The following MYNN variants were observed in gnomAD, a reference collection of about 807,000 sequenced individuals.
MYNN encodes the protein zinc finger and BTB domain-containing protein 31.
In MYNN, 22 loss-of-function variants were observed where a neutral mutation model predicts 57.2. The observed-to-expected ratio is 0.38, with a 90% CI of 0.27 to 0.55. The LOEUF is 0.55. Ranked by LOEUF, MYNN falls within the 20% of genes least tolerant of loss-of-function variation. The pLI is 0.71. For missense variants in MYNN, 566 were observed against 723.1 expected, an observed-to-expected ratio of 0.78 and a Z score of 2.49; for synonymous variants, 241 against 257.1, an observed-to-expected ratio of 0.94 and a Z score of 0.60.
At chr3:169,775,840 T>C (rs1006491285) in intron 2 of MYNN, among the ~76,000 whole-genome samples, 3 of 152,232 alleles carry the variant, frequency 2.0e-5, no homozygotes, top group African/African-American at 7.2e-5. Context: ...CCTTTTATAT[T>C]GTAACTTATC....
chr3:169,773,712 G>A (rs1305364780), intron 1 of MYNN, among the ~76,000 whole-genome samples: 1 of 152,226 alleles, frequency 6.6e-6, no homozygotes, highest in Admixed American at 6.5e-5. Flanking sequence ...GCCGCCTCGC[G>A]TAGAGAGTGG....
rs147152426 is a variant in MYNN, at chr3:169,784,247, G to C, written c.1484-375G>C. On this transcript the variant is annotated intron_variant, in intron 6 of 7. Transcript: ENST00000349841. Reference sequence around the variant, plus strand: ...ATTTTCTAATTTGCCAGGTACCTGAGAGCAGAAACCATGATTATTACACTT... The same window carrying C: ...ATTTTCTAATTTGCCAGGTACCTGACAGCAGAAACCATGATTATTACACTT... 9.9e-5 allele frequency among the ~76,000 whole-genome samples: 15 copies of C among 152,122 alleles called. No individual in the cohort carries two copies. In the Middle Eastern group the frequency reaches 0.01, roughly 103 times the overall value.
At position 169,788,858 on chromosome 3, in the gene MYNN, T is replaced by C. The variant is rs1778745285; in HGVS notation, c.*2180T>C. The C allele has an allele frequency of 6.6e-6, 1 of 152,194 alleles. No homozygotes were observed. The highest frequency in any genetic ancestry group is 2.4e-5 in the African/African-American group (1 of 41,448). The allele number at this position is 152,194 out of a possible 1,614,324, so 9.4% of individuals were successfully genotyped here. A position where few individuals can be genotyped will look rare whatever the true frequency, so the allele number is the denominator to read the frequency against. ...CCCTTCTTTGGCATTCTTCTCTTAA[T>C]GCTATGCTATTATTTATCATAATAT... On this transcript the variant is annotated 3_prime_UTR_variant, in exon 8 of 8. Coordinates refer to ENST00000349841, the MANE Select transcript of MYNN (RefSeq NM_018657.5).
At chr3:169,785,250 CATT>C (rs1373483064) in intron 7 of MYNN, among the ~76,000 whole-genome samples, 5 of 152,014 alleles carry the variant, frequency 3.3e-5, no homozygotes, top group Non-Finnish European at 7.4e-5. Context: ...TTTATTCCGT[CATT>C]ATTCGACATG....
At chr3:169,774,802 T>C (rs956189381) in intron 2 of MYNN, among the ~76,000 whole-genome samples, 3 of 152,202 alleles carry the variant, frequency 2.0e-5, no homozygotes, top group African/African-American at 7.2e-5. Flanking sequence ...ACAAAGCCTG[T>C]GATTTCACTT....
intron 2 of MYNN, among the ~76,000 whole-genome samples, chr3:169,776,314 T>C (rs1258724944): frequency 6.6e-6 from 1 of 152,182 alleles, no homozygotes; most frequent in Non-Finnish European, 1.5e-5. Flanking sequence ...GGCTTACAAC[T>C]TAGTGATTAA....
chr3:169,788,922 A>G lies in MYNN; in HGVS notation c.*2244A>G, dbSNP rs987990633. 1 of 152,146 alleles carries G rather than the reference A, an allele frequency of 6.6e-6. No individual in the cohort carries two copies. The highest frequency in any genetic ancestry group is 6.5e-5 in the Admixed American group (1 of 15,278). 9.4% of individuals were successfully genotyped at this position (152,146 alleles called of 1,614,324 possible). On this transcript the variant is annotated 3_prime_UTR_variant, in exon 8 of 8. Transcript: ENST00000349841. The stretch of plus-strand genomic sequence containing the variant: ...TGTATCTGGTATCATTCTAACACTC[A>G]TAACTACCATTTTAGTTAAGTCCAA...
chr3:169,783,462 T>TTA lies in MYNN; in HGVS notation c.1400-13_1400-12dup. ...GTATAGTACACCACTTCGCTATCTT[T>TTA]TATTTTCCATCTAGGTGAAAAACCA... is the stretch of plus-strand genomic sequence containing the variant. On this transcript the variant is annotated splice_polypyrimidine_tract_variant and intron_variant, in intron 5 of 7. Coordinates refer to ENST00000349841, the MANE Select transcript of MYNN (RefSeq NM_018657.5). 7.8e-6 allele frequency: 12 copies of TTA among 1,536,952 alleles called. No individual in the cohort carries two copies. Among genetic ancestry groups the TTA allele is most frequent in the Non-Finnish European group, 1.1e-5 (12 of 1,112,972 alleles).
intron 7 of MYNN, among the ~76,000 whole-genome samples, chr3:169,785,338 A>C (rs901503331): frequency 2.0e-5 from 3 of 152,006 alleles, no homozygotes; most frequent in Non-Finnish European, 2.9e-5. Flanking sequence ...AACTGCAGTA[A>C]GTCATTAATT....
chr3:169,785,815 T>C (rs1369077273), intron 7 of MYNN, among the ~76,000 whole-genome samples: 1 of 152,020 alleles, frequency 6.6e-6, no homozygotes, highest in Admixed American at 6.6e-5. Context: ...GTTAAAGCCA[T>C]TGGAAAATTT....
At chr3:169,783,406 A>G in intron 5 of MYNN, 71 bp from the exon 6 acceptor site, 1 of 845,994 alleles carries the variant, frequency 1.2e-6, no homozygotes, top group Non-Finnish European at 1.9e-6. Flanking sequence ...AGCTTACTTT[A>G]GATTATTTGT....
Position 169,789,457 on chromosome 3 carries a change from CAT to C in MYNN, c.*2786_*2787del, listed in dbSNP as rs1778762654. ...CTATTGAATCAGACAGTTCCCAGGG[CAT>C]ATATATGCTGGGGAAGCCCCATAGG... On this transcript the variant is annotated 3_prime_UTR_variant, in exon 8 of 8. Transcript: ENST00000349841. The C allele has an allele frequency of 6.6e-6, 1 of 152,118 alleles. No individual in the cohort carries two copies. The highest frequency in any genetic ancestry group is 2.1e-4 in the South Asian group (1 of 4,822). 9.4% of individuals were successfully genotyped at this position (152,118 alleles called of 1,614,324 possible). A position where few individuals can be genotyped will look rare whatever the true frequency, so the allele number is the denominator to read the frequency against.
rs1778727585 is a variant in MYNN, at chr3:169,788,242, T to G, written c.*1564T>G. On this transcript the variant is annotated 3_prime_UTR_variant, in exon 8 of 8. Coordinates refer to ENST00000349841, the MANE Select transcript of MYNN (RefSeq NM_018657.5). ...CACACACATTATTTTCATAATAAAT[T>G]GCCACTGGTGGGACATGGGACTGAC... The G allele has an allele frequency of 6.6e-6, 1 of 152,182 alleles. No individual in the cohort carries two copies. Among genetic ancestry groups the G allele is most frequent in the Non-Finnish European group, 1.5e-5 (1 of 68,000 alleles). 9.4% of individuals were successfully genotyped at this position (152,182 alleles called of 1,614,324 possible).
rs779580684 is a variant in MYNN, at chr3:169,786,585, G to A, written c.1740G>A (p.Thr580=). Residue 580 remains threonine, a synonymous_variant, in exon 8 of 8, where the codon ACG becomes ACA. Transcript: ENST00000349841. The stretch of plus-strand genomic sequence containing the variant: ...ACCATCACATGCTTCTGCCTGTCAC[G>A]GATACTCAGTCTCCTACATCAGATA... The part of the protein sequence containing the change: ...TEDHHMLLPV[T]DTQSPTSDTL... 3.1e-6 allele frequency: 5 copies of A among 1,613,500 alleles called. No homozygotes were observed. Among genetic ancestry groups the A allele is most frequent in the Admixed American group, 3.3e-5 (2 of 59,964 alleles).
rs1205801092 is a variant in MYNN at position 169,782,146 on chromosome 3, T to C, written c.1221-319T>C. Among the ~76,000 whole-genome samples the C allele has an allele frequency of 6.6e-6, 1 of 152,078 alleles. No homozygotes were observed. Among genetic ancestry groups the C allele is most frequent in the Non-Finnish European group, 1.5e-5 (1 of 68,004 alleles). The stretch of plus-strand genomic sequence containing the variant: ...CTGAGAGTTACAATGGGCAAGGAGA[T>C]GCTGATGGTTTGAGGAGAGAGTTCA... On this transcript the variant is annotated intron_variant, in intron 4 of 7. Coordinates refer to ENST00000349841, the MANE Select transcript of MYNN (RefSeq NM_018657.5). The surrounding 1 kb of genome is among the most constrained non-coding windows in gnomAD (Gnocchi z 4.8).
chr3:169,774,178 G>GT, intron 1 of MYNN, 87 bp from the exon 2 acceptor site: 1 of 1,022,066 alleles, frequency 9.8e-7, no homozygotes. Flanking sequence ...GGCTAAAATT[G>GT]TTTAAGTTAT....
chr3:169,785,751 T>C (rs1203126578), intron 7 of MYNN, among the ~76,000 whole-genome samples: 1 of 152,008 alleles, frequency 6.6e-6, no homozygotes. Context: ...TTTGTCTGCG[T>C]GACAAGGACG....
chr3:169,788,721 T>C lies in MYNN; in HGVS notation c.*2043T>C, dbSNP rs925100151. 2.0e-5 allele frequency: 3 copies of C among 152,194 alleles called. No homozygotes were observed. The highest frequency in any genetic ancestry group is 7.2e-5 in the African/African-American group (3 of 41,464). 9.4% of individuals were successfully genotyped at this position (152,194 alleles called of 1,614,324 possible). A position where few individuals can be genotyped will look rare whatever the true frequency, so the allele number is the denominator to read the frequency against. On this transcript the variant is annotated 3_prime_UTR_variant, in exon 8 of 8. Coordinates refer to ENST00000349841, the MANE Select transcript of MYNN (RefSeq NM_018657.5). ...CTAAGATTGATTGAGCTTTTCTTGA[T>C]CACATTTTCTGCTTCTTAGCTAAAG...
chr3:169,780,315 TC>T (rs760756847), intron 3 of MYNN: 19 of 229,238 alleles, frequency 8.3e-5, no homozygotes, highest in Non-Finnish European at 1.4e-4. Flanking sequence ...GCCTCCGCCT[TC>T]CAAAGTGCTG....
Sources: gnomAD v4.1 joint callset for allele counts (sites outside exome capture counted in the v4.1 genomes callset) on GRCh38, gnomAD v4.1.1 for gene constraint, Gnocchi (gnomAD v3.1) non-coding constraint, MANE v1.5 for transcripts, NCBI Gene and HGNC (gene_info 2026-07-23, HGNC 2026-07-21) for gene names.